The following GNAO1 variants were observed in gnomAD, a reference collection of about 807,000 sequenced individuals.
GNAO1 encodes G protein subunit alpha o1, also known as guanine nucleotide-binding protein G(o) subunit alpha.
For synonymous variants in GNAO1, 164 were observed against 180.7 expected (o/e 0.91, Z 0.74); for missense variants, 166 against 478.7 (o/e 0.35, Z 6.10).
intron 3 of GNAO1, among the ~76,000 whole-genome samples, chr16:56,298,295 G>A (rs2037307781): frequency 6.6e-6 from 1 of 152,194 alleles, no homozygotes; most frequent in South Asian, 2.1e-4. Flanking sequence ...CCCAGGCTTT[G>A]GCAGGAAGAG....
At chr16:56,330,129 C>T (rs754001403) in intron 4 of GNAO1, among the ~76,000 whole-genome samples, 15 of 152,252 alleles carry the variant, frequency 9.9e-5, no homozygotes, top group Non-Finnish European at 1.6e-4. Flanking sequence ...AGGGCAAATG[C>T]CGAAGTCCTG....
chr16:56,240,497 T>C (rs2036684686), intron 2 of GNAO1, among the ~76,000 whole-genome samples: 1 of 152,192 alleles, frequency 6.6e-6, no homozygotes, highest in Non-Finnish European at 1.5e-5. Context: ...TGTTTAATGC[T>C]TTTATTGAGT....
At chr16:56,312,447 C>A (rs1386516965) in intron 3 of GNAO1, among the ~76,000 whole-genome samples, 2 of 152,182 alleles carry the variant, frequency 1.3e-5, no homozygotes. Context: ...GTTTGTCTGT[C>A]TATCTGAGTC....
intron 2 of GNAO1, among the ~76,000 whole-genome samples, chr16:56,234,323 G>A (rs1336808795): frequency 2.6e-5 from 4 of 152,270 alleles, no homozygotes; most frequent in African/African-American, 7.2e-5. Flanking sequence ...TCATGGCCTT[G>A]GCCCTCTGGC....
chr16:56,244,419 A>T (rs2036723114), intron 2 of GNAO1, among the ~76,000 whole-genome samples: 1 of 151,790 alleles, frequency 6.6e-6, no homozygotes, highest in Non-Finnish European at 1.5e-5. Context: ...GAGACCATAG[A>T]GCATCTTTGC....
At chr16:56,242,050 C>G (rs1392270063) in intron 2 of GNAO1, among the ~76,000 whole-genome samples, 3 of 152,138 alleles carry the variant, frequency 2.0e-5, no homozygotes, top group African/African-American at 7.2e-5. Context: ...TCCTGCCAGC[C>G]CAGGACAGTC....
chr16:56,215,971 G>A (rs1567441480), intron 2 of GNAO1, among the ~76,000 whole-genome samples: 1 of 152,176 alleles, frequency 6.6e-6, no homozygotes, highest in Non-Finnish European at 1.5e-5. Context: ...TTTCTCCACA[G>A]CTTGGATGTG....
At chr16:56,243,644 C>G (rs1201151044) in intron 2 of GNAO1, among the ~76,000 whole-genome samples, 2 of 151,810 alleles carry the variant, frequency 1.3e-5, no homozygotes, top group African/African-American at 4.8e-5. Context: ...TTGGAGGGAG[C>G]CCAGGAGGGT....
chr16:56,211,870 G>T (rs541087118), intron 2 of GNAO1, among the ~76,000 whole-genome samples: 1 of 152,234 alleles, frequency 6.6e-6, no homozygotes, highest in South Asian at 2.1e-4. Context: ...TGTGAACACA[G>T]CCCAGCAGTG....
At chr16:56,200,609 C>T (rs1428308612) in intron 2 of GNAO1, among the ~76,000 whole-genome samples, 2 of 152,204 alleles carry the variant, frequency 1.3e-5, no homozygotes, top group African/African-American at 4.8e-5. Context: ...ATTCTAAAAC[C>T]TGTGTTCTTT....
At chr16:56,202,377 C>A (rs1297099365) in intron 2 of GNAO1, among the ~76,000 whole-genome samples, 1 of 152,150 alleles carries the variant, frequency 6.6e-6, no homozygotes, top group Non-Finnish European at 1.5e-5. Context: ...ACCCCCCTCC[C>A]AGCCCAAAAG....
chr16:56,213,747 G>A (rs1389508123), intron 2 of GNAO1, among the ~76,000 whole-genome samples: 1 of 152,136 alleles, frequency 6.6e-6, no homozygotes, highest in Non-Finnish European at 1.5e-5. Context: ...GAGTGCTCCA[G>A]GCAGCCAGAA....
At chr16:56,314,661 C>T (rs1472474614) in intron 3 of GNAO1, among the ~76,000 whole-genome samples, 1 of 152,218 alleles carries the variant, frequency 6.6e-6, no homozygotes, top group African/African-American at 2.4e-5. Flanking sequence ...CCAGCGCCGG[C>T]GCCTGGCTTC....
chr16:56,214,572 A>G (rs2036421967), intron 2 of GNAO1, among the ~76,000 whole-genome samples: 1 of 152,258 alleles, frequency 6.6e-6, no homozygotes, highest in Non-Finnish European at 1.5e-5. Flanking sequence ...GGACGTTTTT[A>G]AAAAGACACT....
intron 2 of GNAO1, among the ~76,000 whole-genome samples, chr16:56,272,799 G>A (rs1255051025): frequency 6.6e-6 from 1 of 152,218 alleles, no homozygotes. Context: ...GTGTGAAATA[G>A]GTTGAAGGAA....
intron 3 of GNAO1, chr16:56,276,327 G>A (rs948312045): frequency 8.5e-6 from 3 of 353,268 alleles, no homozygotes; most frequent in Non-Finnish European, 1.6e-5. Flanking sequence ...GGAAGAGTTG[G>A]TGACAGTTCT....
At chr16:56,347,440 T>G in intron 6 of GNAO1, 3 of 985,442 alleles carry the variant, frequency 3.0e-6, no homozygotes, top group Non-Finnish European at 3.6e-6. Flanking sequence ...GGGCTCCCCA[T>G]CTCCCACCCC....
At chr16:56,349,769 C>T (rs1325928672) in intron 6 of GNAO1, among the ~76,000 whole-genome samples, 1 of 152,178 alleles carries the variant, frequency 6.6e-6, no homozygotes, top group Non-Finnish European at 1.5e-5. Flanking sequence ...CCTCCGCCGA[C>T]CAACTTCAGC....
At position 56,326,778 on chromosome 16, in the gene GNAO1, G is replaced by A. The variant is rs1412203531; in HGVS notation, c.304-1853G>A. The stretch of plus-strand genomic sequence containing the variant: ...GGCAGAGGCAGGAGGGCGGCCCGGG[G>A]CAGCACCTGCTCTGCTCTCACCTAC... On this transcript the variant is annotated intron_variant, in intron 3 of 8. Transcript: ENST00000262493. This position sits in a 1 kb window ranked among gnomAD's most constrained non-coding sequence, Gnocchi z 4.8. Among the ~76,000 whole-genome samples the A allele has an allele frequency of 6.6e-6, 1 of 152,240 alleles. No homozygotes were observed. Among genetic ancestry groups the A allele is most frequent in the African/African-American group, 2.4e-5 (1 of 41,464 alleles).
Sources: allele counts gnomAD v4.1 joint callset (sites outside exome capture counted in the v4.1 genomes callset), GRCh38; gene constraint gnomAD v4.1.1; non-coding constraint Gnocchi (gnomAD v3.1); transcripts MANE v1.5; gene names NCBI Gene and HGNC (gene_info 2026-07-23, HGNC 2026-07-21).